SNX14: variants seen among roughly 807,000 people sequenced by gnomAD.
SNX14 encodes sorting nexin-14.
In SNX14, 93 loss-of-function variants were observed where a neutral mutation model predicts 133.8. The ratio of observed to expected loss-of-function variants is 0.70; its 90% CI spans 0.59 to 0.83. The LOEUF is 0.83. SNX14 is among the 40% of genes least tolerant of loss of function. The pLI is 0.00. For missense variants in SNX14, 945 were observed against 1,094.9 expected (o/e 0.86, Z 1.93); for synonymous variants, 368 against 365.6 (o/e 1.01, Z -0.07).
At chr6:85,551,033 G>A (rs181865464) in intron 7 of SNX14, among the ~76,000 whole-genome samples, 6 of 152,164 alleles carry the variant, frequency 3.9e-5, no homozygotes, top group East Asian at 3.9e-4. Context: ...CACCCACTTC[G>A]GCCTCGCAAA....
At position 85,563,620 on chromosome 6, in the gene SNX14, T is replaced by G. The variant is rs200996560; in HGVS notation, c.549+1712A>C. ...GTTGGCCAGGCTGGTCTTGAACTCC[T>G]GACCTCGAGTGGTCCGCCCACCTAG... On this transcript the variant is annotated intron_variant, in intron 6 of 28. Transcript: ENST00000314673. Among the ~76,000 whole-genome samples, 46 of 152,296 alleles carry G rather than the reference T, an allele frequency of 3.0e-4. 1 individual carries two copies. The East Asian group carries it at 8.1e-3, about 27-fold the overall frequency.
At position 85,508,711 on chromosome 6, in the gene SNX14, A is replaced by G. The variant is rs143673853; in HGVS notation, c.2654-652T>C. ...ATATTTAAACACTTATTTAGGGTCCAACGAGTTCAGATTTGTGTCTGGCTG... is the reference window on the plus strand; with the variant it reads ...ATATTTAAACACTTATTTAGGGTCCGACGAGTTCAGATTTGTGTCTGGCTG... On this transcript the variant is annotated intron_variant, in intron 26 of 28. Coordinates refer to ENST00000314673, the MANE Select transcript of SNX14 (RefSeq NM_153816.6). Among the ~76,000 whole-genome samples, 29 of 152,316 alleles carry G rather than the reference A, an allele frequency of 1.9e-4. No individual in the cohort carries two copies. The East Asian group carries it at 5.4e-3, about 28-fold the overall frequency.
intron 6 of SNX14, among the ~76,000 whole-genome samples, chr6:85,563,304 G>A (rs1449213988): frequency 2.0e-5 from 3 of 152,160 alleles, no homozygotes; most frequent in African/African-American, 7.2e-5. Context: ...CAAAGCAGTA[G>A]AAAAGTGTGT....
chr6:85,557,921 G>A (rs1403945070), intron 7 of SNX14, 55 bp downstream of exon 7: 2 of 945,668 alleles, frequency 2.1e-6, no homozygotes, highest in Non-Finnish European at 3.4e-6. Context: ...TATTTCGGGT[G>A]AAAATTGGTG....
At chr6:85,508,421 T>C (rs2127752784) in intron 26 of SNX14, 1 of 968,050 alleles carries the variant, frequency 1.0e-6, no homozygotes, top group Non-Finnish European at 1.2e-6. Flanking sequence ...ATGATGTTTG[T>C]ACATCTGTAC....
intron 7 of SNX14, among the ~76,000 whole-genome samples, chr6:85,554,476 C>T (rs2128124918): frequency 6.6e-6 from 1 of 152,160 alleles, no homozygotes; most frequent in East Asian, 1.9e-4. Context: ...CTGAATTATG[C>T]TCACATGTAG....
chr6:85,507,627 T>A (rs538278152), intron 27 of SNX14, among the ~76,000 whole-genome samples: 1 of 152,338 alleles, frequency 6.6e-6, no homozygotes, highest in South Asian at 2.1e-4. Context: ...ATACATAGTT[T>A]ACATAAACCA....
At chr6:85,557,694 G>T (rs1323643853) in intron 7 of SNX14, among the ~76,000 whole-genome samples, 1 of 152,126 alleles carries the variant, frequency 6.6e-6, no homozygotes, top group Non-Finnish European at 1.5e-5. Context: ...AACCATTAAG[G>T]AGAAAGGGTG....
intron 26 of SNX14, among the ~76,000 whole-genome samples, chr6:85,510,972 G>A (rs1464690286): frequency 6.6e-6 from 1 of 152,120 alleles, no homozygotes; most frequent in African/African-American, 2.4e-5. Context: ...AACTTACTGG[G>A]ATTTGGATTG....
intron 7 of SNX14, among the ~76,000 whole-genome samples, chr6:85,553,890 C>T (rs1397810121): frequency 1.3e-5 from 2 of 151,924 alleles, no homozygotes; most frequent in Admixed American, 1.3e-4. Flanking sequence ...TAAGCATTCA[C>T]ACATAATATA....
At chr6:85,522,003 T>A (rs9353318) in intron 21 of SNX14, among the ~76,000 whole-genome samples, 112,470 of 152,160 alleles carry the variant, frequency 0.74, 42,891 homozygotes, top group African/African-American at 0.92. Flanking sequence ...ACAGGTGTCC[T>A]TTCCCCCATG....
chr6:85,506,855 T>C (rs972285550), intron 28 of SNX14, among the ~76,000 whole-genome samples: 8 of 152,182 alleles, frequency 5.3e-5, no homozygotes, highest in African/African-American at 1.9e-4. Context: ...GTGCTTGGGT[T>C]TACATAAAAC....
In SNX14 at chr6:85,580,664, G is replaced by A. The variant is rs535391912; in HGVS notation, c.141-6286C>T. ...CCATTCACCACAAGCTGACTAAGGA[G>A]GCCTTGGGCTTAAGTAAACATTGAC... is the stretch of plus-strand genomic sequence containing the variant. On this transcript the variant is annotated intron_variant, in intron 1 of 28. Transcript: ENST00000314673. Among the ~76,000 whole-genome samples, 11 of 152,234 alleles carry A rather than the reference G, an allele frequency of 7.2e-5. No homozygotes were observed. In the South Asian group the frequency reaches 2.3e-3, roughly 32 times the overall value.
chr6:85,565,476 C>G, intron 5 of SNX14, 57 bp from the exon 6 acceptor site: 1 of 1,309,380 alleles, frequency 7.6e-7, no homozygotes, highest in South Asian at 1.4e-5. Flanking sequence ...GTTTCACCTT[C>G]TACAATCCAA....
chr6:85,570,644 G>A (rs1376094238), intron 4 of SNX14, among the ~76,000 whole-genome samples: 4 of 152,112 alleles, frequency 2.6e-5, no homozygotes, highest in African/African-American at 9.7e-5. Context: ...CACAAGGTCA[G>A]GAGTTCGAGA....
rs1169669711 is a variant in SNX14 at position 85,593,644 on chromosome 6, G to A, written c.75C>T (p.Cys25=). 6.2e-7 allele frequency: 1 copy of A among 1,612,796 alleles called. No individual in the cohort carries two copies. Among genetic ancestry groups the A allele is most frequent in the Non-Finnish European group, 8.5e-7 (1 of 1,179,870 alleles). ...RLRLDVGREI[C]RQYPLFCFLL... is the part of the protein sequence containing the mutation. ...GGAAGCAGAACAGCGGGTACTGGCGGCAGATCTCGCGTCCCACGTCCAGTC... is the reference window on the plus strand; with the variant it reads ...GGAAGCAGAACAGCGGGTACTGGCGACAGATCTCGCGTCCCACGTCCAGTC... The change falls in exon 1 of 29, where the codon TGC becomes TGT. Residue 25 remains cysteine (C), a synonymous_variant. Coordinates refer to ENST00000314673, the MANE Select transcript of SNX14 (RefSeq NM_153816.6).
chr6:85,517,962 G>A (rs376751091), intron 22 of SNX14, 46 bp downstream of exon 22: 2 of 1,578,048 alleles, frequency 1.3e-6, no homozygotes, highest in South Asian at 1.2e-5. Context: ...ATTTAAATAT[G>A]TTTATGATTA....
chr6:85,543,568 A>G, intron 13 of SNX14, 37 bp downstream of exon 13: 2 of 1,496,246 alleles, frequency 1.3e-6, no homozygotes, highest in African/African-American at 1.4e-5. Flanking sequence ...AAACTGTAAG[A>G]GTGCTAAATA....
intron 18 of SNX14, 69 bp downstream of exon 18, chr6:85,533,530 T>C: frequency 6.8e-7 from 1 of 1,465,358 alleles, no homozygotes; most frequent in Non-Finnish European, 9.3e-7. Context: ...GCAAAATGTT[T>C]ATCATACCTG....
Sources: gnomAD v4.1 joint callset for allele counts (sites outside exome capture counted in the v4.1 genomes callset) on GRCh38, gnomAD v4.1.1 for gene constraint, MANE v1.5 for transcripts, NCBI Gene and HGNC (gene_info 2026-07-23, HGNC 2026-07-21) for gene names.